The following SUSD6 variants were observed in gnomAD, a reference collection of about 807,000 sequenced individuals.
SUSD6 encodes the protein sushi domain-containing protein 6.
In SUSD6, 16 loss-of-function variants were observed where a neutral mutation model predicts 28.4. The observed-to-expected ratio is 0.56, with a 90% CI of 0.38 to 0.86. The LOEUF (loss-of-function observed/expected upper bound fraction) is 0.86, where lower values mean the gene tolerates loss of function less well. Among genes scored for constraint, SUSD6 ranks in the 40% least tolerant of loss-of-function variants. SUSD6 has a pLI of 0.00. For synonymous variants in SUSD6, 147 were observed against 159.6 expected (o/e 0.92, Z 0.59); for missense variants, 341 against 384.2 (o/e 0.89, Z 0.94).
chr14:69,671,749 G>A (rs1004101387), intron 2 of SUSD6, among the ~76,000 whole-genome samples: 4 of 152,176 alleles, frequency 2.6e-5, no homozygotes, highest in African/African-American at 9.7e-5. Flanking sequence ...GGGGTGCAGA[G>A]AACTATTGTG....
chr14:69,635,598 CACA>C lies in SUSD6; in HGVS notation c.-80-22914_-80-22912del, dbSNP rs1566591545. 2.5e-3 allele frequency among the ~76,000 whole-genome samples: 87 copies of C among 34,976 alleles called. No individual in the cohort carries two copies. The African/African-American group carries it at 0.031, about 12-fold the overall frequency. 22.9% of individuals were successfully genotyped at this position (34,976 alleles called of 152,430 possible). A position where few individuals can be genotyped will look rare whatever the true frequency, so the allele number is the denominator to read the frequency against. ...CCCCCACTCCACCCAAGGCACACCA[CACA>C]CACACACACACACACACACACACAC... On this transcript the variant is annotated intron_variant, in intron 1 of 5. Transcript: ENST00000342745.
rs1054960913 is a variant in SUSD6, at chr14:69,704,742, G to C, written c.458G>C (p.Arg153Thr). 5 of 1,613,540 alleles carry C rather than the reference G, an allele frequency of 3.1e-6. No individual in the cohort carries two copies. The highest frequency in any genetic ancestry group is 4.2e-6 in the Non-Finnish European group (5 of 1,179,842). The change falls in exon 4 of 6, where the codon AGG (arginine) becomes ACG (threonine). Residue 153 changes from arginine to threonine, a missense_variant and splice_region_variant. By Grantham distance (71) the Arg-to-Thr change is moderately conservative. Transcript: ENST00000342745. ...AAGCTGAAGTCTTTCCATCATAGCA[G>C]GTGAGTCCAGTGGCAGAGCTGACAT... ...QPKLKSFHHS[R>T]RDQGVSGDQV... is the part of the protein sequence containing the mutation.
At chr14:69,682,554 CAG>C (rs1051818841) in intron 2 of SUSD6, among the ~76,000 whole-genome samples, 6 of 151,892 alleles carry the variant, frequency 4.0e-5, no homozygotes, top group African/African-American at 1.5e-4. Context: ...TAAAAAAAAA[CAG>C]AGTATAGTTA....
chr14:69,662,051 T>C (rs1885670030), intron 2 of SUSD6, among the ~76,000 whole-genome samples: 1 of 152,178 alleles, frequency 6.6e-6, no homozygotes, highest in Non-Finnish European at 1.5e-5. Context: ...TCCAAAGTGC[T>C]GGGATTATAG....
chr14:69,711,995 T>G lies in SUSD6; in HGVS notation c.*1016T>G, dbSNP rs1420976268. The G allele has an allele frequency of 2.0e-5, 3 of 152,260 alleles. No individual in the cohort carries two copies. The highest frequency in any genetic ancestry group is 4.4e-5 in the Non-Finnish European group (3 of 68,142). The allele number at this position is 152,260 out of a possible 1,614,324, so 9.4% of individuals were successfully genotyped here. ...TCTGGTCACTGGCAGTCTGGGCAGGTTGCCCCTTTCTGGGTTTGTGGTGAC... is the reference window on the plus strand; with the variant it reads ...TCTGGTCACTGGCAGTCTGGGCAGGGTGCCCCTTTCTGGGTTTGTGGTGAC... On this transcript the variant is annotated 3_prime_UTR_variant, in exon 6 of 6. Transcript: ENST00000342745.
intron 2 of SUSD6, among the ~76,000 whole-genome samples, chr14:69,664,720 G>A (rs1595047262): frequency 6.6e-6 from 1 of 152,260 alleles, no homozygotes; most frequent in African/African-American, 2.4e-5. Flanking sequence ...GGTCCCTATT[G>A]GGTTAAAGTC....
At chr14:69,656,047 T>C (rs1286116163) in intron 1 of SUSD6, among the ~76,000 whole-genome samples, 1 of 152,134 alleles carries the variant, frequency 6.6e-6, no homozygotes, top group Non-Finnish European at 1.5e-5. Context: ...CATAGTACTC[T>C]GATCCACTTG....
At chr14:69,667,227 T>C (rs1343428736) in intron 2 of SUSD6, among the ~76,000 whole-genome samples, 1 of 152,164 alleles carries the variant, frequency 6.6e-6, no homozygotes, top group Admixed American at 6.5e-5. Flanking sequence ...TGGTGGCAGA[T>C]AGGAGAAAAG....
rs1886499531 is a variant in SUSD6 at position 69,713,512 on chromosome 14, C to G, written c.*2533C>G. 1 of 152,348 alleles carries G rather than the reference C, an allele frequency of 6.6e-6. No homozygotes were observed. The highest frequency in any genetic ancestry group is 2.4e-5 in the African/African-American group (1 of 41,486). 9.4% of individuals were successfully genotyped at this position (152,348 alleles called of 1,614,324 possible). A position where few individuals can be genotyped will look rare whatever the true frequency, so the allele number is the denominator to read the frequency against. ...CTCCAGTTATGTCTTTCTTCCAAAG[C>G]AATTTCTTAACCATCAGCCATGTGC... On this transcript the variant is annotated 3_prime_UTR_variant, in exon 6 of 6. Transcript: ENST00000342745.
intron 2 of SUSD6, among the ~76,000 whole-genome samples, chr14:69,664,814 C>T (rs1408961708): frequency 6.6e-6 from 1 of 152,214 alleles, no homozygotes; most frequent in Non-Finnish European, 1.5e-5. Context: ...TTCTTCTTAC[C>T]TACCCGACTT....
chr14:69,683,336 G>A (rs748009133), intron 2 of SUSD6, among the ~76,000 whole-genome samples: 1 of 152,174 alleles, frequency 6.6e-6, no homozygotes, highest in Non-Finnish European at 1.5e-5. Context: ...GTCCAGGATG[G>A]TAAAGGTGGG....
At position 69,645,784 on chromosome 14, in the gene SUSD6, C is replaced by T. The variant is rs143689467; in HGVS notation, c.-80-12729C>T. Among the ~76,000 whole-genome samples the T allele has an allele frequency of 2.0e-5, 3 of 151,110 alleles. No homozygotes were observed. In the East Asian group the frequency reaches 5.8e-4, roughly 29 times the overall value. On this transcript the variant is annotated intron_variant, in intron 1 of 5. Transcript: ENST00000342745. ...TTTTTTTTTGAGACAGCATCTCGCT[C>T]TGTCACCCAGGCTGGAGTGCAATGG...
At chr14:69,657,794 ACT>A (rs1179117801) in intron 1 of SUSD6, among the ~76,000 whole-genome samples, 2 of 151,714 alleles carry the variant, frequency 1.3e-5, no homozygotes, top group Non-Finnish European at 2.9e-5. Context: ...ACTCTTTCTC[ACT>A]CTCTCTCTGT....
chr14:69,630,848 A>G (rs1885182724), intron 1 of SUSD6, among the ~76,000 whole-genome samples: 1 of 152,214 alleles, frequency 6.6e-6, no homozygotes, highest in Non-Finnish European at 1.5e-5. Flanking sequence ...TCAGTTGTGG[A>G]GAATTGGGGT....
chr14:69,619,396 A>C (rs902136758), intron 1 of SUSD6, among the ~76,000 whole-genome samples: 13 of 152,198 alleles, frequency 8.5e-5, no homozygotes, highest in Non-Finnish European at 1.9e-4. Flanking sequence ...ACTTTAAAAA[A>C]TCGGTGTAGT....
At chr14:69,668,166 T>C (rs12587433) in intron 2 of SUSD6, among the ~76,000 whole-genome samples, 7,108 of 152,210 alleles carry the variant, frequency 0.047, 205 homozygotes, top group East Asian at 0.15. Context: ...GAGGAGCACG[T>C]GAAAGTGTTT....
intron 4 of SUSD6, among the ~76,000 whole-genome samples, chr14:69,707,446 C>G: frequency 6.6e-6 from 1 of 152,184 alleles, no homozygotes; most frequent in African/African-American, 2.4e-5. Context: ...ACTTTGTTAT[C>G]CCATTCAAGT....
chr14:69,670,565 T>C, intron 2 of SUSD6: 1 of 454,818 alleles, frequency 2.2e-6, no homozygotes, highest in South Asian at 1.5e-5. Flanking sequence ...AAGAAGGCAG[T>C]GCCTTGGGCC....
chr14:69,662,715 GCAGCCTTTCTCAGGTCTC>G (rs1885680994), intron 2 of SUSD6, among the ~76,000 whole-genome samples: 1 of 152,210 alleles, frequency 6.6e-6, no homozygotes, highest in Admixed American at 6.5e-5. Flanking sequence ...TTTCTCTGTA[GCAGCCTTTCTCAGGTCTC>G]CAAGTCTTTC....
Sources: gnomAD v4.1 joint callset for allele counts (sites outside exome capture counted in the v4.1 genomes callset) on GRCh38, gnomAD v4.1.1 for gene constraint, MANE v1.5 for transcripts, NCBI Gene and HGNC (gene_info 2026-07-23, HGNC 2026-07-21) for gene names.